The following KRABD2 variants were observed in gnomAD, a reference collection of about 807,000 sequenced individuals.
The protein encoded by KRABD2 is KRAB domain-containing protein 2.
the KRABD2 span, among the ~76,000 whole-genome samples, chr17:8,363,842 T>TCATACATAC: frequency 1.2e-5 from 1 of 80,908 alleles, no homozygotes; most frequent in Admixed American, 1.6e-4. Context: ...TATATATATA[T>TCATACATAC]ATATATATAT....
chr17:8,361,277 T>C, the KRABD2 span, among the ~76,000 whole-genome samples: 1 of 152,152 alleles, frequency 6.6e-6, no homozygotes, highest in Admixed American at 6.5e-5. Context: ...AGTACAAAAG[T>C]AGAAGAGGAC....
chr17:8,366,046 T>C, the KRABD2 span, among the ~76,000 whole-genome samples: 1 of 152,062 alleles, frequency 6.6e-6, no homozygotes, highest in Non-Finnish European at 1.5e-5. Flanking sequence ...GAGAATCGCT[T>C]TAACCTGGAA....
the KRABD2 span, among the ~76,000 whole-genome samples, chr17:8,372,495 T>C: frequency 1.3e-5 from 2 of 152,198 alleles, no homozygotes; most frequent in Admixed American, 6.5e-5. This position sits in a 1 kb window ranked among gnomAD's most constrained non-coding sequence, Gnocchi z 4.1. Flanking sequence ...TTTGCCATGC[T>C]GGCCAGGCTG....
the KRABD2 span, chr17:8,368,809 A>G: frequency 1.3e-5 from 3 of 229,266 alleles, no homozygotes; most frequent in Non-Finnish European, 2.6e-5. Context: ...GCTAATTTCT[A>G]TATTTTCAGT....
the KRABD2 span, chr17:8,368,826 A>T: frequency 3.6e-6 from 1 of 278,258 alleles, no homozygotes; most frequent in Non-Finnish European, 6.7e-6. Flanking sequence ...CAGTAGAGAC[A>T]GGGTTTCATC....
chr17:8,376,017 C>T, the KRABD2 span: 8 of 1,231,566 alleles, frequency 6.5e-6, no homozygotes, highest in East Asian at 6.3e-5. Context: ...AGCTGATTGC[C>T]ATCTCTCCTT....
the KRABD2 span, among the ~76,000 whole-genome samples, chr17:8,374,572 T>A: frequency 7.0e-6 from 1 of 142,820 alleles, no homozygotes; most frequent in Non-Finnish European, 1.5e-5. Context: ...ACTATTGTCC[T>A]ATGACCGTGC....
chr17:8,373,181 GGTCTCCCTCTCCCTCTC>G, the KRABD2 span, among the ~76,000 whole-genome samples: 15 of 141,374 alleles, frequency 1.1e-4, no homozygotes, highest in South Asian at 1.1e-3. Context: ...CCGTCTCCAC[GGTCTCCCTCTCCCTCTC>G]TCTCCACGGT....
At chr17:8,363,823 T>TC in the KRABD2 span, among the ~76,000 whole-genome samples, 4 of 93,128 alleles carry the variant, frequency 4.3e-5, no homozygotes, top group East Asian at 9.3e-4. Flanking sequence ...TACATATATA[T>TC]ATCATACATA....
chr17:8,359,920 A>G, the KRABD2 span: 1 of 441,138 alleles, frequency 2.3e-6, no homozygotes, highest in Non-Finnish European at 4.6e-6. Flanking sequence ...AGAACAGTAC[A>G]CTGAATTGTG....
the KRABD2 span, chr17:8,369,719 T>A: frequency 6.2e-7 from 1 of 1,614,242 alleles, no homozygotes; most frequent in Non-Finnish European, 8.5e-7. Context: ...CCTGTTTGGT[T>A]CTTAATGGCC....
At chr17:8,367,461 T>C in the KRABD2 span, among the ~76,000 whole-genome samples, 2 of 149,842 alleles carry the variant, frequency 1.3e-5, no homozygotes, top group Non-Finnish European at 3.0e-5. Flanking sequence ...ATCATGCCAC[T>C]GCACTCCAGC....
chr17:8,360,957 A>G, the KRABD2 span, among the ~76,000 whole-genome samples: 401 of 152,214 alleles, frequency 2.6e-3, 3 homozygotes, highest in South Asian at 0.012. Context: ...TGTAAGTCTG[A>G]GCTTCTCGGT....
At chr17:8,376,399 T>C in the KRABD2 span, 1 of 1,134,678 alleles carries the variant, frequency 8.8e-7, no homozygotes, top group Non-Finnish European at 1.1e-6. Context: ...GATTCAATGA[T>C]AATGCAGATA....
At chr17:8,370,144 G>C in the KRABD2 span, 1 of 1,613,908 alleles carries the variant, frequency 6.2e-7, no homozygotes, top group Non-Finnish European at 8.5e-7. Context: ...GCTGCACGGC[G>C]ATAATCACGT....
the KRABD2 span, among the ~76,000 whole-genome samples, chr17:8,361,207 C>G: frequency 6.6e-6 from 1 of 152,162 alleles, no homozygotes; most frequent in Admixed American, 6.5e-5. Flanking sequence ...CTCTCCATCT[C>G]GGAAGTGGGG....
chr17:8,360,178 C>T, the KRABD2 span, among the ~76,000 whole-genome samples: 1 of 151,994 alleles, frequency 6.6e-6, no homozygotes. Flanking sequence ...ATTCAAATTA[C>T]ATAGAACAAT....
the KRABD2 span, chr17:8,369,240 G>A: frequency 6.2e-7 from 1 of 1,614,034 alleles, no homozygotes; most frequent in African/African-American, 1.3e-5. Flanking sequence ...TCCAATCTCA[G>A]CCCTTTCTTC....
chr17:8,376,354 G>C, the KRABD2 span: 1 of 1,205,950 alleles, frequency 8.3e-7, no homozygotes, highest in Non-Finnish European at 1.0e-6. Context: ...AACCCGGGGA[G>C]ATGACCAGTA....
Sources: allele counts gnomAD v4.1 joint callset (sites outside exome capture counted in the v4.1 genomes callset), GRCh38; gene constraint gnomAD v4.1.1; non-coding constraint Gnocchi (gnomAD v3.1); transcripts MANE v1.5; gene names NCBI Gene and HGNC (gene_info 2026-07-23, HGNC 2026-07-21).